ACACA: variants seen among roughly 807,000 people sequenced by gnomAD.
ACACA encodes acetyl-CoA carboxylase alpha, also known as acetyl-CoA carboxylase 1.
ACACA carries 103 observed loss-of-function variants against 296.1 expected under a neutral mutation model. The ratio of observed to expected loss-of-function variants is 0.35; its 90% confidence interval spans 0.30 to 0.41. The LOEUF (loss-of-function observed/expected upper bound fraction) is 0.41, where lower values mean the gene tolerates loss of function less well. ACACA is among the 10% of genes least tolerant of loss of function. ACACA has a pLI of 1.00. For missense variants in ACACA, 1,554 were observed against 2,989.7 expected, an observed-to-expected ratio of 0.52 and a Z score of 11.20; for synonymous variants, 953 against 1,038.6, an observed-to-expected ratio of 0.92 and a Z score of 1.58.
At chr17:37,126,642 C>G (rs560181559) in intron 47 of ACACA, among the ~76,000 whole-genome samples, 4 of 152,288 alleles carry the variant, frequency 2.6e-5, no homozygotes, top group South Asian at 2.1e-4. Context: ...CCCTCCACCC[C>G]CTAAAAACCC....
At chr17:37,090,205 G>C (rs765944012) in intron 54 of ACACA, among the ~76,000 whole-genome samples, 1 of 152,172 alleles carries the variant, frequency 6.6e-6, no homozygotes, top group Non-Finnish European at 1.5e-5. Context: ...GCCTCAAGCA[G>C]TACAAAACTG....
intron 29 of ACACA, among the ~76,000 whole-genome samples, chr17:37,216,152 A>C (rs1448561268): frequency 5.0e-4 from 67 of 135,100 alleles, no homozygotes; most frequent in Admixed American, 8.8e-4. Flanking sequence ...ACACACACAC[A>C]CACACAACAT....
intron 30 of ACACA, among the ~76,000 whole-genome samples, chr17:37,209,319 T>C (rs1011020390): frequency 2.0e-5 from 3 of 152,216 alleles, no homozygotes; most frequent in Admixed American, 2.0e-4. Context: ...TTGTGAGGCA[T>C]TGTATCTTTT....
At chr17:37,313,072 G>A (rs1430968637) in intron 3 of ACACA, among the ~76,000 whole-genome samples, 3 of 152,122 alleles carry the variant, frequency 2.0e-5, no homozygotes, top group African/African-American at 7.2e-5. Flanking sequence ...ACTATCATTA[G>A]ATTTTACTAG....
At chr17:37,205,633 G>A (rs2078464493) in intron 33 of ACACA, 132 bp downstream of exon 33, 1 of 761,794 alleles carries the variant, frequency 1.3e-6, no homozygotes, top group African/African-American at 1.7e-5. Flanking sequence ...ATCCCTAAAT[G>A]CAGAACTAGC....
intron 2 of ACACA, among the ~76,000 whole-genome samples, chr17:37,334,609 T>C (rs893483618): frequency 2.0e-5 from 3 of 152,068 alleles, no homozygotes; most frequent in Non-Finnish European, 4.4e-5. Context: ...CTCTAGAGGA[T>C]CTGCGCCTGC....
chr17:37,103,339 G>A (rs749399920), intron 52 of ACACA, among the ~76,000 whole-genome samples: 18 of 152,318 alleles, frequency 1.2e-4, no homozygotes, highest in Non-Finnish European at 2.5e-4. Context: ...ATCATTGATC[G>A]TTTGTCAGGA....
intron 35 of ACACA, among the ~76,000 whole-genome samples, chr17:37,198,014 A>G (rs1162878165): frequency 3.3e-5 from 5 of 152,218 alleles, no homozygotes. Context: ...CTCATTTTCT[A>G]GCCGATTTTG....
intron 1 of ACACA, among the ~76,000 whole-genome samples, chr17:37,349,844 CCACT>C (rs1279695590): frequency 2.6e-5 from 4 of 152,078 alleles, no homozygotes; most frequent in African/African-American, 4.8e-5. Context: ...CAGGCATGAG[CCACT>C]GCACCTGGCC....
intron 41 of ACACA, among the ~76,000 whole-genome samples, chr17:37,177,787 A>G (rs999418599): frequency 3.9e-5 from 6 of 152,134 alleles, no homozygotes; most frequent in Non-Finnish European, 5.9e-5. Flanking sequence ...ATGCTTGTCA[A>G]AATGTTTTGC....
At chr17:37,148,296 G>A (rs2075898976) in intron 45 of ACACA, among the ~76,000 whole-genome samples, 1 of 150,844 alleles carries the variant, frequency 6.6e-6, no homozygotes, top group Admixed American at 6.6e-5. Flanking sequence ...ATAATCTTCA[G>A]TAGTAGTGGT....
chr17:37,324,353 C>A (rs750394114), intron 3 of ACACA, among the ~76,000 whole-genome samples: 1 of 144,766 alleles, frequency 6.9e-6, no homozygotes, highest in Non-Finnish European at 1.5e-5. Flanking sequence ...GCAACAAGAG[C>A]GAAACTCTGT....
chr17:37,241,681 G>A (rs1430259620), intron 23 of ACACA, among the ~76,000 whole-genome samples: 1 of 151,844 alleles, frequency 6.6e-6, no homozygotes, highest in Non-Finnish European at 1.5e-5. Context: ...CACTCCAGTC[G>A]GGGCAACAGA....
chr17:37,202,300 A>T (rs2078283916), intron 33 of ACACA, among the ~76,000 whole-genome samples: 1 of 152,210 alleles, frequency 6.6e-6, no homozygotes, highest in South Asian at 2.1e-4. Flanking sequence ...CAAGTGGCTG[A>T]CAATAACAGC....
In ACACA at chr17:37,277,091, A is replaced by G; in HGVS notation, c.744T>C (p.His248=). 6 of 1,614,144 alleles carry G rather than the reference A, an allele frequency of 3.7e-6. No homozygotes were observed. The highest frequency in any genetic ancestry group is 5.1e-6 in the Non-Finnish European group (6 of 1,179,982). ...CCGGTAGTTTGGGATTCTCAGAAGC[A>G]TGACCCCAGCCAGCCCACACTGCCT... ...PVQAVWAGWG[H]ASENPKLPEL... is the part of the protein sequence containing the mutation. Residue 248 remains histidine, a synonymous_variant, in exon 7 of 56, where the codon CAT becomes CAC. Coordinates refer to ENST00000616317, the MANE Select transcript of ACACA (RefSeq NM_198834.3).
chr17:37,126,527 G>A (rs2074794657), intron 47 of ACACA, among the ~76,000 whole-genome samples: 1 of 152,062 alleles, frequency 6.6e-6, no homozygotes, highest in South Asian at 2.1e-4. Context: ...TGTTCCACAG[G>A]TATAAATGTT....
intron 30 of ACACA, among the ~76,000 whole-genome samples, chr17:37,208,392 T>C (rs1198625247): frequency 1.3e-5 from 2 of 152,230 alleles, no homozygotes; most frequent in Non-Finnish European, 2.9e-5. Flanking sequence ...GGAACTTTAC[T>C]GAGGAATTTA....
intron 10 of ACACA, among the ~76,000 whole-genome samples, chr17:37,264,121 A>G (rs1224920495): frequency 6.6e-6 from 1 of 152,224 alleles, no homozygotes; most frequent in African/African-American, 2.4e-5. Context: ...ATATGAAAAC[A>G]TACGAACATC....
intron 10 of ACACA, among the ~76,000 whole-genome samples, 197 bp downstream of exon 10, chr17:37,270,554 A>G (rs993289751): frequency 6.6e-6 from 1 of 152,208 alleles, no homozygotes; most frequent in African/African-American, 2.4e-5. Context: ...ATTAAATAAA[A>G]CTTAAAATTG....
Sources: allele counts gnomAD v4.1 joint callset (sites outside exome capture counted in the v4.1 genomes callset), GRCh38; gene constraint gnomAD v4.1.1; transcripts MANE v1.5; gene names NCBI Gene and HGNC (gene_info 2026-07-23, HGNC 2026-07-21).